Variants in FLT1 observed in about 807,000 individuals in gnomAD.
FLT1 encodes fms related receptor tyrosine kinase 1, also known as vascular endothelial growth factor receptor 1.
In FLT1, 49 loss-of-function variants were observed where a neutral mutation model predicts 156.3. That is an observed-to-expected ratio of 0.31 (90% CI 0.25 to 0.40). The LOEUF (loss-of-function observed/expected upper bound fraction) is 0.40, where lower values mean the gene tolerates loss of function less well. Among genes scored for constraint, FLT1 ranks in the 10% least tolerant of loss-of-function variants. FLT1 has a pLI of 1.00. For synonymous variants in FLT1, 594 were observed against 583.8 expected, an observed-to-expected ratio of 1.02 and a Z score of -0.25; for missense variants, 1,322 against 1,637.2, an observed-to-expected ratio of 0.81 and a Z score of 3.32.
intron 4 of FLT1, 121 bp downstream of exon 4, chr13:28,438,100 A>C: frequency 1.1e-6 from 1 of 910,536 alleles, no homozygotes; most frequent in Admixed American, 1.9e-5. Flanking sequence ...ATGTTACAGG[A>C]AAGTCCACTG....
chr13:28,489,275 AATT>A (rs1319886742), intron 1 of FLT1, among the ~76,000 whole-genome samples: 2 of 152,204 alleles, frequency 1.3e-5, no homozygotes, highest in Non-Finnish European at 2.9e-5. Context: ...TCATGGAATA[AATT>A]TGTGTCTGAG....
chr13:28,321,620 C>T (rs767014864), intron 22 of FLT1, 35 bp from the exon 23 acceptor site: 1 of 1,610,396 alleles, frequency 6.2e-7, no homozygotes, highest in Non-Finnish European at 8.5e-7. Context: ...AATGCATTTC[C>T]TTAACCTAAC....
chr13:28,364,762 G>A (rs1396869990), intron 14 of FLT1, among the ~76,000 whole-genome samples: 1 of 152,102 alleles, frequency 6.6e-6, no homozygotes, highest in Non-Finnish European at 1.5e-5. Context: ...ATGTATTTGT[G>A]TATTTGTGGT....
At chr13:28,441,417 C>A (rs57284335) in intron 3 of FLT1, among the ~76,000 whole-genome samples, 5,728 of 152,228 alleles carry the variant, frequency 0.038, 336 homozygotes, top group African/African-American at 0.13. Flanking sequence ...CTCGCTCCTG[C>A]TCTAAAATTT....
Position 28,431,165 on chromosome 13 carries a change from T to C in FLT1, c.959A>G (p.Lys320Arg), listed in dbSNP as rs1306736097. ...TATATGCACTGAGGTGTTAACAGAT[T>C]TGAATGATGGTCCACTCCTTACACG... ...TCRVRSGPSF[K>R]SVNTSVHIYD... The change falls in exon 7 of 30, where the codon AAA becomes AGA. Residue 320 changes from lysine to arginine, a missense_variant. Physicochemically the swap from Lys to Arg is conservative, Grantham distance 26. Transcript: ENST00000282397. 1 of 1,613,914 alleles carries C rather than the reference T, an allele frequency of 6.2e-7. No individual in the cohort carries two copies. The highest frequency in any genetic ancestry group is 2.2e-5 in the East Asian group (1 of 44,872).
intron 1 of FLT1, among the ~76,000 whole-genome samples, chr13:28,469,227 T>C (rs1880017175): frequency 1.3e-5 from 2 of 152,226 alleles, no homozygotes; most frequent in African/African-American, 4.8e-5. Flanking sequence ...TCTCAGGGTA[T>C]AGTTTTCTTT....
Position 28,426,578 on chromosome 13 carries a change from A to C in FLT1, c.1436+581T>G, listed in dbSNP as rs114049000. ...AAAGTGCTGTTCATACTGAGGGGGA[A>C]GAAGTGATTCTGAATGAGGCAGTGA... On this transcript the variant is annotated intron_variant, in intron 10 of 29. Transcript: ENST00000282397. Among the ~76,000 whole-genome samples, 904 of 152,294 alleles carry C rather than the reference A, an allele frequency of 5.9e-3. 11 individuals are homozygous for C. The highest frequency in any genetic ancestry group is 0.02 in the African/African-American group (835 of 41,568).
intron 14 of FLT1, among the ~76,000 whole-genome samples, chr13:28,376,053 TCC>T (rs1873825584): frequency 6.6e-6 from 1 of 152,208 alleles, no homozygotes; most frequent in Non-Finnish European, 1.5e-5. Flanking sequence ...ACAGCCTCAT[TCC>T]TCTCTCTCTT....
chr13:28,408,647 G>A (rs1490580521), intron 10 of FLT1, among the ~76,000 whole-genome samples: 1 of 152,100 alleles, frequency 6.6e-6, no homozygotes, highest in Non-Finnish European at 1.5e-5. Flanking sequence ...GGAGGAAGCC[G>A]AACAACAAGA....
At chr13:28,363,621 C>T (rs1873186325) in intron 14 of FLT1, among the ~76,000 whole-genome samples, 1 of 151,764 alleles carries the variant, frequency 6.6e-6, no homozygotes, top group South Asian at 2.1e-4. Flanking sequence ...TTATATTTAT[C>T]CTTTTTTTTT....
In FLT1 at chr13:28,311,702, T is replaced by C; in HGVS notation, c.3523A>G (p.Ile1175Val). 6.2e-7 allele frequency: 1 copy of C among 1,614,060 alleles called. No homozygotes were observed. Among genetic ancestry groups the C allele is most frequent in the Non-Finnish European group, 8.5e-7 (1 of 1,179,944 alleles). ...GTAAACCCACTATTTCCTGTCAGTA[T>C]GGCATTGATTGGGATGTAGTCTTTA... Reference protein sequence around the residue: ...DGKDYIPINAILTGNSGFTYS... With the variant: ...DGKDYIPINAVLTGNSGFTYS... Residue 1175 changes from isoleucine to valine, a missense_variant, in exon 27 of 30, where the codon ATA (isoleucine) becomes GTA (valine). This residue lies in a region of FLT1 where 329 missense variants were observed against 366.2 expected (regional missense o/e 0.90). Transcript: ENST00000282397.
intron 13 of FLT1, chr13:28,385,487 G>C (rs1161175200): frequency 9.9e-7 from 1 of 1,007,912 alleles, no homozygotes; most frequent in South Asian, 4.5e-5. Flanking sequence ...TTGTGGGGGC[G>C]TGTTTGTGTT....
chr13:28,494,196 C>T (rs1482904475), intron 1 of FLT1, among the ~76,000 whole-genome samples: 1 of 152,222 alleles, frequency 6.6e-6, no homozygotes, highest in African/African-American at 2.4e-5. Context: ...GGCGCTGGCC[C>T]TCTCCTGAGA....
chr13:28,402,595 C>T lies in FLT1; in HGVS notation c.1551+3185G>A, dbSNP rs77148129. ...ATATCTATATATATAGAGAGAGAGA[C>T]TTTGTTTAGTGTGAGTATTAAAAGT... is the stretch of plus-strand genomic sequence containing the variant. On this transcript the variant is annotated intron_variant, in intron 11 of 29. Coordinates refer to ENST00000282397, the MANE Select transcript of FLT1 (RefSeq NM_002019.4). 1.6e-3 allele frequency among the ~76,000 whole-genome samples: 242 copies of T among 151,712 alleles called. 6 individuals carry two copies. The East Asian group carries it at 0.042, about 26-fold the overall frequency.
At chr13:28,378,114 T>A (rs899958076) in intron 14 of FLT1, among the ~76,000 whole-genome samples, 1 of 151,492 alleles carries the variant, frequency 6.6e-6, no homozygotes. Flanking sequence ...AGTGGCGTGA[T>A]CTCGGCTCAC....
At chr13:28,420,632 A>C (rs1876946820) in intron 10 of FLT1, among the ~76,000 whole-genome samples, 1 of 152,346 alleles carries the variant, frequency 6.6e-6, no homozygotes, top group South Asian at 2.1e-4. Context: ...TTATAGTGTT[A>C]AAACTTTCAT....
At chr13:28,436,044 C>T (rs1169429396) in intron 4 of FLT1, among the ~76,000 whole-genome samples, 1 of 152,180 alleles carries the variant, frequency 6.6e-6, no homozygotes, top group East Asian at 1.9e-4. Context: ...CTTAAAAATA[C>T]ACTAAAATTT....
chr13:28,334,174 G>T, intron 17 of FLT1, 45 bp from the exon 18 acceptor site: 1 of 1,246,124 alleles, frequency 8.0e-7, no homozygotes, highest in Non-Finnish European at 1.2e-6. Flanking sequence ...AGGCAATAGG[G>T]TGAGTTTAAG....
intron 11 of FLT1, among the ~76,000 whole-genome samples, chr13:28,397,911 C>T (rs1875163855): frequency 6.6e-6 from 1 of 151,984 alleles, no homozygotes; most frequent in Non-Finnish European, 1.5e-5. Flanking sequence ...TATTATTTGA[C>T]AACTTAGTCC....
Sources: allele counts gnomAD v4.1 joint callset (sites outside exome capture counted in the v4.1 genomes callset), GRCh38; gene constraint gnomAD v4.1.1; regional missense constraint gnomAD v4.1.1; transcripts MANE v1.5; gene names NCBI Gene and HGNC (gene_info 2026-07-23, HGNC 2026-07-21).